The following ZFHX3 variants were observed in gnomAD, a reference collection of about 807,000 sequenced individuals.
ZFHX3 encodes the protein zinc finger homeobox 3, also known as zinc finger homeobox protein 3.
ZFHX3 carries 42 observed loss-of-function variants against 279.1 expected under a neutral mutation model. The observed-to-expected ratio is 0.15, with a 90% CI of 0.12 to 0.19. ZFHX3 has a LOEUF of 0.19. Among genes scored for constraint, ZFHX3 ranks in the 10% least tolerant of loss-of-function variants. The pLI, the probability that ZFHX3 is intolerant of heterozygous loss-of-function variation, is 1.00. For missense variants in ZFHX3, 4,981 were observed against 4,754.0 expected (o/e 1.05, Z -1.40); for synonymous variants, 2,293 against 1,957.8 (o/e 1.17, Z -4.52).
intron 2 of ZFHX3, among the ~76,000 whole-genome samples, chr16:73,639,651 A>T (rs2142154995): frequency 6.6e-6 from 1 of 152,320 alleles, no homozygotes; most frequent in African/African-American, 2.4e-5. Flanking sequence ...CATTAAAAGC[A>T]AGTCTAAACT....
chr16:73,273,016 A>T (rs986020646), intron 4 of ZFHX3, among the ~76,000 whole-genome samples: 34 of 152,220 alleles, frequency 2.2e-4, no homozygotes, highest in African/African-American at 7.2e-4. Context: ...CAAAGTGCTG[A>T]GATAACATGT....
intron 2 of ZFHX3, among the ~76,000 whole-genome samples, chr16:72,951,539 G>A (rs577612901): frequency 2.2e-4 from 33 of 152,334 alleles, no homozygotes; most frequent in Non-Finnish European, 4.6e-4. Flanking sequence ...TAGAATGACA[G>A]GCATGAGCCA....
intron 3 of ZFHX3, among the ~76,000 whole-genome samples, chr16:73,372,844 G>T (rs767101296): frequency 6.6e-6 from 1 of 152,086 alleles, no homozygotes; most frequent in African/African-American, 2.4e-5. Flanking sequence ...CAAAAAGCTC[G>T]CAGCCATCCA....
intron 1 of ZFHX3, among the ~76,000 whole-genome samples, chr16:73,032,585 G>T (rs1964744426): frequency 6.6e-6 from 1 of 152,080 alleles, no homozygotes; most frequent in African/African-American, 2.4e-5. Context: ...GCCTTCCCCA[G>T]AGCGGGCAGC....
chr16:73,702,913 T>C (rs905820956), intron 1 of ZFHX3, among the ~76,000 whole-genome samples: 12 of 152,096 alleles, frequency 7.9e-5, no homozygotes, highest in African/African-American at 2.9e-4. Flanking sequence ...GATGGTGAAA[T>C]GAACCTCATA....
intron 2 of ZFHX3, among the ~76,000 whole-genome samples, chr16:73,476,670 A>G (rs1013204009): frequency 6.6e-6 from 1 of 152,188 alleles, no homozygotes. Context: ...CTGTCTCATA[A>G]GTTTCTTAAT....
At chr16:73,517,045 C>T (rs2019534716) in intron 2 of ZFHX3, among the ~76,000 whole-genome samples, 1 of 150,438 alleles carries the variant, frequency 6.6e-6, no homozygotes, top group Non-Finnish European at 1.5e-5. Flanking sequence ...CCTGCTAGCA[C>T]CCTCGTTGAA....
intron 1 of ZFHX3, among the ~76,000 whole-genome samples, chr16:73,851,484 T>A (rs1259910588): frequency 6.6e-6 from 1 of 152,218 alleles, no homozygotes; most frequent in African/African-American, 2.4e-5. Flanking sequence ...GGTTCTAACC[T>A]CCTGAAGTCT....
chr16:73,800,898 A>G (rs1380647955), intron 1 of ZFHX3, among the ~76,000 whole-genome samples: 1 of 152,136 alleles, frequency 6.6e-6, no homozygotes, highest in Non-Finnish European at 1.5e-5. Flanking sequence ...TTTCTGACAC[A>G]CTGACTCTGT....
intron 2 of ZFHX3, among the ~76,000 whole-genome samples, chr16:73,583,656 C>A (rs1328097722): frequency 1.3e-5 from 2 of 152,170 alleles, no homozygotes; most frequent in African/African-American, 4.8e-5. Context: ...AATTAATGCA[C>A]CACAAAATCT....
chr16:73,559,978 GT>G (rs1415088718), intron 2 of ZFHX3, among the ~76,000 whole-genome samples: 10 of 152,110 alleles, frequency 6.6e-5, no homozygotes, highest in Admixed American at 6.5e-4. Flanking sequence ...CAGGATGCTT[GT>G]TATTAAAAGC....
chr16:73,240,944 G>C (rs1296162379), intron 5 of ZFHX3, among the ~76,000 whole-genome samples: 1 of 152,220 alleles, frequency 6.6e-6, no homozygotes, highest in Non-Finnish European at 1.5e-5. Context: ...TTCTGGCAAA[G>C]TTCATCTGTG....
At chr16:73,377,965 G>C (rs1355325878) in intron 3 of ZFHX3, among the ~76,000 whole-genome samples, 9 of 138,566 alleles carry the variant, frequency 6.5e-5, no homozygotes, top group African/African-American at 2.2e-4. Context: ...CCCGGGAGGC[G>C]GAGCTTGCAG....
At chr16:73,625,471 C>A (rs140718012) in intron 2 of ZFHX3, among the ~76,000 whole-genome samples, 31 of 152,256 alleles carry the variant, frequency 2.0e-4, no homozygotes, top group African/African-American at 6.7e-4. Context: ...AGAATTAAGC[C>A]GTCATCCTGC....
intron 1 of ZFHX3, among the ~76,000 whole-genome samples, chr16:73,888,202 T>C (rs927417123): frequency 3.3e-5 from 5 of 152,180 alleles, no homozygotes; most frequent in Non-Finnish European, 5.9e-5. Context: ...AAAACTAGGT[T>C]AGAAGTTGAG....
Position 72,783,398 on chromosome 16 carries a change from T to TTTTAA in ZFHX3, c.*3761_*3765dup, listed in dbSNP as rs575309058. The TTTTAA allele has an allele frequency of 1.3e-5, 2 of 152,508 alleles. No homozygotes were observed. Among genetic ancestry groups the TTTTAA allele is most frequent in the African/African-American group, 4.8e-5 (2 of 41,398 alleles). 9.4% of individuals were successfully genotyped at this position (152,508 alleles called of 1,614,324 possible). ...TCAATTTATGCTTCTATTTAAAATGTTTTAATTTATTATTTAAAAAAAATA... is the reference window on the plus strand; with the variant it reads ...TCAATTTATGCTTCTATTTAAAATGTTTTAATTTAATTTATTATTTAAAAAAAATA... On this transcript the variant is annotated 3_prime_UTR_variant, in exon 10 of 10. Transcript: ENST00000268489.
intron 1 of ZFHX3, among the ~76,000 whole-genome samples, chr16:72,961,956 C>T (rs908871665): frequency 3.3e-5 from 5 of 152,098 alleles, no homozygotes; most frequent in African/African-American, 7.2e-5. Flanking sequence ...GGGACTTCCT[C>T]GCAAGGCTGA....
chr16:73,574,185 A>G (rs949409371), intron 2 of ZFHX3, among the ~76,000 whole-genome samples: 1 of 152,336 alleles, frequency 6.6e-6, no homozygotes, highest in Non-Finnish European at 1.5e-5. Flanking sequence ...TTGATGCAAA[A>G]AAGAAATGGT....
At chr16:73,759,582 G>A (rs1328507375) in intron 1 of ZFHX3, among the ~76,000 whole-genome samples, 1 of 152,146 alleles carries the variant, frequency 6.6e-6, no homozygotes, top group Non-Finnish European at 1.5e-5. Flanking sequence ...TTAAAAAGAG[G>A]AGGCAGAAAT....
Sources: allele counts gnomAD v4.1 joint callset (sites outside exome capture counted in the v4.1 genomes callset), GRCh38; gene constraint gnomAD v4.1.1; transcripts MANE v1.5; gene names NCBI Gene and HGNC (gene_info 2026-07-23, HGNC 2026-07-21).